The following KSR2 variants were observed in gnomAD, a reference collection of about 807,000 sequenced individuals.
The protein encoded by KSR2 is kinase suppressor of ras 2.
A neutral mutation model predicts 107.8 loss-of-function variants in KSR2; 25 were observed. The observed-to-expected ratio is 0.23, with a 90% CI of 0.17 to 0.32. The LOEUF (loss-of-function observed/expected upper bound fraction) is 0.32, where lower values mean the gene tolerates loss of function less well. Ranked by LOEUF, KSR2 falls within the 10% of genes least tolerant of loss-of-function variation. The pLI, the probability that KSR2 is intolerant of heterozygous loss-of-function variation, is 1.00. For missense variants in KSR2, 887 were observed against 1,268.9 expected, an observed-to-expected ratio of 0.70 and a Z score of 4.57; for synonymous variants, 480 against 507.0, an observed-to-expected ratio of 0.95 and a Z score of 0.71.
chr12:117,683,880 T>G (rs1885466156), intron 4 of KSR2, among the ~76,000 whole-genome samples: 1 of 152,226 alleles, frequency 6.6e-6, no homozygotes, highest in Non-Finnish European at 1.5e-5. Context: ...AAACTCTCCA[T>G]TTCTGACTTT....
chr12:117,591,723 A>T (rs1880332114), intron 5 of KSR2, among the ~76,000 whole-genome samples: 1 of 151,786 alleles, frequency 6.6e-6, no homozygotes, highest in African/African-American at 2.4e-5. Flanking sequence ...AAAAAAAAAA[A>T]AATGATGCAG....
intron 1 of KSR2, among the ~76,000 whole-genome samples, chr12:117,967,028 TG>T (rs1896818855): frequency 1.3e-5 from 2 of 152,178 alleles, no homozygotes; most frequent in South Asian, 2.1e-4. Context: ...TGCGTATAGC[TG>T]GGTTGGTTTG....
At chr12:117,669,077 G>A (rs971400826) in intron 4 of KSR2, among the ~76,000 whole-genome samples, 11 of 152,244 alleles carry the variant, frequency 7.2e-5, no homozygotes, top group Non-Finnish European at 1.5e-4. Flanking sequence ...CTACACACGG[G>A]CATTGGTCTC....
Position 117,467,161 on chromosome 12 carries a change from G to C in KSR2, c.*38C>G. 1.5e-6 allele frequency: 1 copy of C among 682,604 alleles called. No individual in the cohort carries two copies. The highest frequency in any genetic ancestry group is 2.8e-5 in the East Asian group (1 of 35,774). 42.3% of individuals were successfully genotyped at this position (682,604 alleles called of 1,614,324 possible). ...CAGAGTAGGGAGGGAGAGGTGACGG[G>C]AGCCCAGGCAGCTGGGCGCCGTCCC... On this transcript the variant is annotated 3_prime_UTR_variant, in exon 20 of 20. Transcript: ENST00000339824.
At chr12:117,960,411 G>A (rs573392424) in intron 1 of KSR2, among the ~76,000 whole-genome samples, 1 of 152,298 alleles carries the variant, frequency 6.6e-6, no homozygotes, top group African/African-American at 2.4e-5. Flanking sequence ...CAGAACCAGA[G>A]GCTTAGGAAG....
chr12:117,537,983 G>C (rs960407358), intron 10 of KSR2, among the ~76,000 whole-genome samples: 19 of 152,292 alleles, frequency 1.2e-4, no homozygotes, highest in Middle Eastern at 3.4e-3. Context: ...CCATAAATAA[G>C]TGCCAAACAA....
chr12:117,542,493 T>TAC (rs1473076021), intron 9 of KSR2, among the ~76,000 whole-genome samples: 1 of 152,130 alleles, frequency 6.6e-6, no homozygotes, highest in Non-Finnish European at 1.5e-5. Context: ...ACTGAACTGA[T>TAC]ACAGTCAAGA....
intron 1 of KSR2, among the ~76,000 whole-genome samples, chr12:117,951,388 AACGTCCATAAGTACCC>A (rs1188328593): frequency 6.6e-6 from 1 of 152,182 alleles, no homozygotes; most frequent in African/African-American, 2.4e-5. Flanking sequence ...TGATAAAAAC[AACGTCCATAAGTACCC>A]ACTTAACAAG....
intron 3 of KSR2, among the ~76,000 whole-genome samples, chr12:117,793,979 TGCACACATACACCAACATGCACA>T: frequency 1.2e-5 from 1 of 85,970 alleles, no homozygotes. Flanking sequence ...ACACACACCA[TGCACACATACACCAACATGCACA>T]CACACCAACA....
chr12:117,646,056 A>G (rs1208198198), intron 5 of KSR2, among the ~76,000 whole-genome samples: 2 of 152,130 alleles, frequency 1.3e-5, no homozygotes, highest in Non-Finnish European at 2.9e-5. Flanking sequence ...TATACTTTAA[A>G]TCACCTCTAC....
At chr12:117,910,769 T>C (rs1197911086) in intron 1 of KSR2, among the ~76,000 whole-genome samples, 1 of 152,106 alleles carries the variant, frequency 6.6e-6, no homozygotes, top group African/African-American at 2.4e-5. Context: ...TGAATGTCAG[T>C]TTAGAAGGTA....
chr12:117,949,770 G>C (rs768378876), intron 1 of KSR2, among the ~76,000 whole-genome samples: 1 of 152,208 alleles, frequency 6.6e-6, no homozygotes, highest in Non-Finnish European at 1.5e-5. Context: ...GGGAGAATTA[G>C]CTACATGATG....
chr12:117,753,293 C>T (rs1349574383), intron 4 of KSR2, among the ~76,000 whole-genome samples: 2 of 152,146 alleles, frequency 1.3e-5, no homozygotes, highest in African/African-American at 4.8e-5. Flanking sequence ...TCTCTGTTTA[C>T]ATACGGTGGC....
At chr12:117,481,475 G>A (rs1367856923) in intron 16 of KSR2, among the ~76,000 whole-genome samples, 4 of 152,154 alleles carry the variant, frequency 2.6e-5, no homozygotes, top group East Asian at 3.8e-4. Flanking sequence ...GGCCATATGA[G>A]GACACAGTAA....
chr12:117,789,999 G>A (rs994915315), intron 3 of KSR2, among the ~76,000 whole-genome samples: 3 of 152,138 alleles, frequency 2.0e-5, no homozygotes, highest in African/African-American at 7.2e-5. Context: ...CTGGACCCTA[G>A]ACCAATGCCC....
chr12:117,510,800 C>A (rs1229493880), intron 14 of KSR2, among the ~76,000 whole-genome samples: 1 of 150,844 alleles, frequency 6.6e-6, no homozygotes, highest in Admixed American at 6.6e-5. Flanking sequence ...ATTGTTTGAA[C>A]CTGGCAGGTG....
intron 1 of KSR2, among the ~76,000 whole-genome samples, chr12:117,895,647 G>A (rs1240360832): frequency 6.6e-6 from 1 of 152,176 alleles, no homozygotes. Flanking sequence ...ATATAATATT[G>A]TGGAGCTGCT....
chr12:117,548,692 G>A (rs1407259719), intron 9 of KSR2, among the ~76,000 whole-genome samples: 1 of 152,060 alleles, frequency 6.6e-6, no homozygotes, highest in Non-Finnish European at 1.5e-5. Context: ...GAGGAATATG[G>A]AAAAGTACAA....
At chr12:117,665,988 C>T (rs141917714) in intron 5 of KSR2, among the ~76,000 whole-genome samples, 2 of 152,322 alleles carry the variant, frequency 1.3e-5, no homozygotes, top group South Asian at 2.1e-4. Flanking sequence ...TGCAGGCCCA[C>T]CGTCATGAAG....
Sources: gnomAD v4.1 joint callset for allele counts (sites outside exome capture counted in the v4.1 genomes callset) on GRCh38, gnomAD v4.1.1 for gene constraint, MANE v1.5 for transcripts, NCBI Gene and HGNC (gene_info 2026-07-23, HGNC 2026-07-21) for gene names.